The following ELMO1 variants were observed in gnomAD, a reference collection of about 807,000 sequenced individuals.
ELMO1 encodes the protein engulfment and cell motility protein 1.
A neutral mutation model predicts 98.9 loss-of-function variants in ELMO1; 26 were observed. That is an observed-to-expected ratio of 0.26 (90% CI 0.19 to 0.36). ELMO1 has a LOEUF of 0.36. ELMO1 is among the 10% of genes least tolerant of loss of function. The pLI, the probability that ELMO1 is intolerant of heterozygous loss-of-function variation, is 1.00. For synonymous variants in ELMO1, 346 were observed against 346.0 expected (o/e 1.00, Z 0.00); for missense variants, 627 against 935.2 (o/e 0.67, Z 4.30).
chr7:36,993,912 T>C (rs903337946), intron 16 of ELMO1, among the ~76,000 whole-genome samples: 1 of 152,332 alleles, frequency 6.6e-6, no homozygotes, highest in South Asian at 2.1e-4. Context: ...AACAATCACA[T>C]ACACTGAACC....
intron 4 of ELMO1, among the ~76,000 whole-genome samples, chr7:37,294,282 G>A (rs1028177886): frequency 2.6e-5 from 4 of 151,446 alleles, no homozygotes; most frequent in Admixed American, 6.6e-5. Flanking sequence ...CCTTGAACCC[G>A]GGAGGCGGAG....
At chr7:37,308,580 G>A (rs973638346) in intron 4 of ELMO1, among the ~76,000 whole-genome samples, 1 of 152,154 alleles carries the variant, frequency 6.6e-6, no homozygotes, top group Non-Finnish European at 1.5e-5. Context: ...CACTGTAACT[G>A]GTTAATTTCA....
At chr7:37,262,296 C>T (rs1796016845) in intron 5 of ELMO1, among the ~76,000 whole-genome samples, 1 of 152,126 alleles carries the variant, frequency 6.6e-6, no homozygotes, top group African/African-American at 2.4e-5. Context: ...TCATGGGTTG[C>T]TGCTATAGAA....
At chr7:36,978,393 C>T (rs188182023) in intron 16 of ELMO1, among the ~76,000 whole-genome samples, 19 of 151,820 alleles carry the variant, frequency 1.3e-4, no homozygotes, top group African/African-American at 4.3e-4. Context: ...GAAATCACCC[C>T]TTCTCCTCTC....
intron 16 of ELMO1, among the ~76,000 whole-genome samples, chr7:36,999,812 G>A (rs1354355493): frequency 6.6e-6 from 1 of 152,068 alleles, no homozygotes; most frequent in Non-Finnish European, 1.5e-5. Flanking sequence ...TCTCTCTCTT[G>A]ATTTCTCAGC....
chr7:36,887,737 T>C (rs964014998), intron 17 of ELMO1, 65 bp from the exon 18 acceptor site: 1 of 1,455,546 alleles, frequency 6.9e-7, no homozygotes. Flanking sequence ...TTGGTGGGCA[T>C]CATGGGCATA....
intron 1 of ELMO1, among the ~76,000 whole-genome samples, chr7:37,384,086 A>T (rs987491806): frequency 2.6e-5 from 4 of 152,182 alleles, no homozygotes. Context: ...GAATGCTGGG[A>T]TTACAGGCGT....
At chr7:37,418,860 G>A (rs1180566187) in intron 1 of ELMO1, among the ~76,000 whole-genome samples, 1 of 152,172 alleles carries the variant, frequency 6.6e-6, no homozygotes, top group African/African-American at 2.4e-5. Context: ...AGATGGGGAT[G>A]GTAAGAGTCA....
chr7:37,192,814 A>C, intron 13 of ELMO1, among the ~76,000 whole-genome samples: 1 of 143,640 alleles, frequency 7.0e-6, no homozygotes, highest in South Asian at 2.2e-4. Context: ...AAAAAAAAAA[A>C]TGTGTGTGTG....
intron 16 of ELMO1, among the ~76,000 whole-genome samples, chr7:36,995,106 G>C (rs1312978146): frequency 6.6e-6 from 1 of 152,128 alleles, no homozygotes; most frequent in African/African-American, 2.4e-5. Flanking sequence ...AGCAAAGATG[G>C]GGAACATTAA....
At chr7:37,214,433 T>G (rs1027931744) in intron 11 of ELMO1, among the ~76,000 whole-genome samples, 1 of 151,980 alleles carries the variant, frequency 6.6e-6, no homozygotes, top group Non-Finnish European at 1.5e-5. Flanking sequence ...AGCTCCCCAT[T>G]GTAGAGAAAA....
chr7:37,238,713 T>C (rs112202971), intron 7 of ELMO1, among the ~76,000 whole-genome samples: 1 of 152,184 alleles, frequency 6.6e-6, no homozygotes, highest in Non-Finnish European at 1.5e-5. Context: ...GATGAGGAAG[T>C]TCCCTCTATT....
chr7:37,296,839 G>A (rs768071096), intron 4 of ELMO1, among the ~76,000 whole-genome samples: 31 of 152,044 alleles, frequency 2.0e-4, no homozygotes, highest in Non-Finnish European at 2.5e-4. Flanking sequence ...ACTGGAAATC[G>A]GGGAAAAGTA....
chr7:37,299,197 G>T, intron 4 of ELMO1, among the ~76,000 whole-genome samples: 1 of 66,500 alleles, frequency 1.5e-5, no homozygotes, highest in Non-Finnish European at 3.1e-5. Context: ...GTAGATTCTG[G>T]GTATTAGCCC....
At chr7:37,292,795 G>C in intron 4 of ELMO1, among the ~76,000 whole-genome samples, 1 of 103,680 alleles carries the variant, frequency 9.6e-6, no homozygotes, top group Non-Finnish European at 2.2e-5. Context: ...GAGGTGGGGG[G>C]GTCAGCCCCC....
intron 1 of ELMO1, among the ~76,000 whole-genome samples, chr7:37,383,163 A>G (rs1324335360): frequency 6.6e-6 from 1 of 152,234 alleles, no homozygotes; most frequent in Non-Finnish European, 1.5e-5. Context: ...AATGTCCTTT[A>G]TTATAAAAGA....
At chr7:37,276,350 T>C (rs914127189) in intron 4 of ELMO1, among the ~76,000 whole-genome samples, 4 of 152,208 alleles carry the variant, frequency 2.6e-5, no homozygotes, top group Non-Finnish European at 4.4e-5. Flanking sequence ...GGCTCAAGCC[T>C]GTAATCCCAG....
chr7:36,917,845 T>G (rs912737279), intron 16 of ELMO1, among the ~76,000 whole-genome samples: 1 of 152,156 alleles, frequency 6.6e-6, no homozygotes, highest in African/African-American at 2.4e-5. Context: ...GTCTATCAAC[T>G]GGGGAAGATA....
intron 1 of ELMO1, among the ~76,000 whole-genome samples, chr7:37,420,582 C>G (rs1400700979): frequency 6.6e-6 from 1 of 152,186 alleles, no homozygotes; most frequent in African/African-American, 2.4e-5. Context: ...CCTGCGTGTG[C>G]CACAGCTGGG....
Sources: gnomAD v4.1 joint callset for allele counts (sites outside exome capture counted in the v4.1 genomes callset) on GRCh38, gnomAD v4.1.1 for gene constraint, MANE v1.5 for transcripts, NCBI Gene and HGNC (gene_info 2026-07-23, HGNC 2026-07-21) for gene names.